NCAM2: variants seen among roughly 807,000 people sequenced by gnomAD.
The protein encoded by NCAM2 is neural cell adhesion molecule 2, also known as N-CAM-2.
A neutral mutation model predicts 98.1 loss-of-function variants in NCAM2; 30 were observed. The ratio of observed to expected loss-of-function variants is 0.31; its 90% CI spans 0.23 to 0.41. NCAM2 has a LOEUF of 0.41. Ranked by LOEUF, NCAM2 falls within the 10% of genes least tolerant of loss-of-function variation. The probability of loss-of-function intolerance (pLI) is 1.00; values close to 1 mark genes in which losing one functional copy is unlikely to be tolerated. For synonymous variants in NCAM2, 368 were observed against 342.4 expected, an observed-to-expected ratio of 1.07 and a Z score of -0.83; for missense variants, 867 against 1,005.8, an observed-to-expected ratio of 0.86 and a Z score of 1.87.
At chr21:21,324,014 TA>T (rs2147794185) in intron 5 of NCAM2, among the ~76,000 whole-genome samples, 1 of 152,302 alleles carries the variant, frequency 6.6e-6, no homozygotes, top group Non-Finnish European at 1.5e-5. Flanking sequence ...ACATAATTCC[TA>T]AAAGTATATA....
intron 11 of NCAM2, among the ~76,000 whole-genome samples, chr21:21,424,910 C>T (rs943199796): frequency 2.0e-5 from 3 of 151,394 alleles, no homozygotes; most frequent in Non-Finnish European, 4.4e-5. Context: ...GTGATGGGTG[C>T]CTGTAATCCC....
chr21:21,176,652 T>A (rs1037088605), intron 1 of NCAM2, among the ~76,000 whole-genome samples: 3 of 152,082 alleles, frequency 2.0e-5, no homozygotes, highest in Non-Finnish European at 4.4e-5. Context: ...AGACAGTTTT[T>A]AAGTCAGAAT....
chr21:21,278,624 G>C (rs1243085865), intron 1 of NCAM2, among the ~76,000 whole-genome samples: 1 of 151,986 alleles, frequency 6.6e-6, no homozygotes, highest in African/African-American at 2.4e-5. Flanking sequence ...ACCATTCTCT[G>C]AGTATTGGTA....
intron 1 of NCAM2, among the ~76,000 whole-genome samples, chr21:21,244,515 A>G (rs1425306973): frequency 6.6e-6 from 1 of 152,180 alleles, no homozygotes; most frequent in East Asian, 1.9e-4. Context: ...AATTTATCAT[A>G]TACGTTGTAT....
intron 1 of NCAM2, among the ~76,000 whole-genome samples, chr21:21,037,018 G>C (rs989113112): frequency 1.3e-5 from 2 of 152,110 alleles, no homozygotes; most frequent in Non-Finnish European, 2.9e-5. Context: ...TAGATGTCAA[G>C]TACCTATATT....
At chr21:21,190,688 A>G (rs1433794273) in intron 1 of NCAM2, among the ~76,000 whole-genome samples, 1 of 152,156 alleles carries the variant, frequency 6.6e-6, no homozygotes, top group Non-Finnish European at 1.5e-5. Flanking sequence ...AGACTCTAGA[A>G]CAAGCCTGCC....
At chr21:21,453,844 A>T (rs2146150209) in intron 12 of NCAM2, among the ~76,000 whole-genome samples, 1 of 152,222 alleles carries the variant, frequency 6.6e-6, no homozygotes, top group African/African-American at 2.4e-5. Context: ...TTCTTGAATT[A>T]GTCCTTAGAA....
intron 15 of NCAM2, among the ~76,000 whole-genome samples, chr21:21,501,703 A>T (rs1364563134): frequency 6.6e-6 from 1 of 151,496 alleles, no homozygotes; most frequent in African/African-American, 2.4e-5. Context: ...TCTGACCTAG[A>T]TGGAGCCCTG....
At chr21:21,192,119 A>C (rs1443976037) in intron 1 of NCAM2, among the ~76,000 whole-genome samples, 1 of 152,172 alleles carries the variant, frequency 6.6e-6, no homozygotes, top group Non-Finnish European at 1.5e-5. Context: ...GCTACCCGGT[A>C]GGCTGAAGCA....
intron 12 of NCAM2, among the ~76,000 whole-genome samples, chr21:21,462,977 A>G (rs1983187588): frequency 6.6e-6 from 1 of 152,108 alleles, no homozygotes. Context: ...AATTTCTAGT[A>G]AATTACAAGG....
At chr21:21,164,066 A>G (rs551994583) in intron 1 of NCAM2, among the ~76,000 whole-genome samples, 5 of 152,294 alleles carry the variant, frequency 3.3e-5, no homozygotes, top group East Asian at 1.9e-4. Flanking sequence ...AAAAAAATCT[A>G]TTTATATTTA....
At chr21:21,400,608 T>C (rs2076606733) in intron 9 of NCAM2, among the ~76,000 whole-genome samples, 1 of 151,466 alleles carries the variant, frequency 6.6e-6, no homozygotes, top group Admixed American at 6.6e-5. Context: ...TTTTTTTTTT[T>C]TTTTTGAGAT....
intron 1 of NCAM2, among the ~76,000 whole-genome samples, chr21:21,250,391 A>G (rs895490499): frequency 1.3e-5 from 2 of 152,204 alleles, no homozygotes; most frequent in Admixed American, 6.5e-5. Flanking sequence ...CACATAATGC[A>G]ACCATAGGTG....
At chr21:21,477,141 T>G in intron 14 of NCAM2, 150 bp from the exon 15 acceptor site, 3 of 485,460 alleles carry the variant, frequency 6.2e-6, no homozygotes. Flanking sequence ...CTGGCTTCAT[T>G]GACACAGCAA....
chr21:21,202,487 G>C (rs2069272024), intron 1 of NCAM2, among the ~76,000 whole-genome samples: 1 of 133,150 alleles, frequency 7.5e-6, no homozygotes, highest in Non-Finnish European at 1.5e-5. Flanking sequence ...TGCAAACTTG[G>C]CTCACCGCAA....
intron 1 of NCAM2, among the ~76,000 whole-genome samples, chr21:21,255,486 T>C (rs1001738523): frequency 6.6e-6 from 1 of 152,246 alleles, no homozygotes; most frequent in Admixed American, 6.5e-5. Flanking sequence ...CTGTATCCTT[T>C]AGCTGATAGT....
At chr21:21,514,578 T>G (rs1988604348) in intron 16 of NCAM2, among the ~76,000 whole-genome samples, 1 of 152,170 alleles carries the variant, frequency 6.6e-6, no homozygotes, top group African/African-American at 2.4e-5. Context: ...TTTTTAAATA[T>G]TTGCCTATCC....
chr21:21,243,935 A>G (rs1289692578), intron 1 of NCAM2, among the ~76,000 whole-genome samples: 3 of 152,212 alleles, frequency 2.0e-5, no homozygotes, highest in Admixed American at 2.0e-4. Context: ...CATAAGGATC[A>G]CCTGGAGAAT....
chr21:21,391,672 G>T (rs974799469), intron 9 of NCAM2, among the ~76,000 whole-genome samples: 5 of 152,154 alleles, frequency 3.3e-5, no homozygotes, highest in South Asian at 2.1e-4. Context: ...TAGTATTGTG[G>T]ACATGAAAAA....
Sources: allele counts gnomAD v4.1 joint callset (sites outside exome capture counted in the v4.1 genomes callset), GRCh38; gene constraint gnomAD v4.1.1; transcripts MANE v1.5; gene names NCBI Gene and HGNC (gene_info 2026-07-23, HGNC 2026-07-21).